Variants in NLRP11 observed in about 807,000 individuals in gnomAD.
NLRP11 encodes NLR family pyrin domain containing 11, also known as NACHT, LRR and PYD domains-containing protein 11.
A neutral mutation model predicts 79.3 loss-of-function variants in NLRP11; 53 were observed. That is an observed-to-expected ratio of 0.67 (90% CI 0.54 to 0.84). The LOEUF (loss-of-function observed/expected upper bound fraction) is 0.84. NLRP11 is among the 40% of genes least tolerant of loss of function. The pLI is 0.00. For missense variants in NLRP11, 1,264 were observed against 1,255.0 expected, an observed-to-expected ratio of 1.01 and a Z score of -0.11; for synonymous variants, 518 against 462.6, an observed-to-expected ratio of 1.12 and a Z score of -1.54.
intron 7 of NLRP11, among the ~76,000 whole-genome samples, chr19:55,789,922 A>G (rs1272841237): frequency 6.6e-6 from 1 of 152,060 alleles, no homozygotes; most frequent in Non-Finnish European, 1.5e-5. Context: ...TTGTTTTTCC[A>G]TTCACGTCTC....
intron 1 of NLRP11, among the ~76,000 whole-genome samples, chr19:55,823,100 TGAC>T (rs1981956186): frequency 1.4e-5 from 2 of 147,278 alleles, no homozygotes; most frequent in Non-Finnish European, 3.0e-5. Context: ...AGTGGGTCCC[TGAC>T]CCCTGACCCC....
intron 6 of NLRP11, among the ~76,000 whole-genome samples, chr19:55,792,916 C>T (rs1012906423): frequency 6.6e-6 from 1 of 152,126 alleles, no homozygotes; most frequent in African/African-American, 2.4e-5. Context: ...CACCAGAAGC[C>T]CTGTTGTTAG....
At chr19:55,796,432 C>T (rs1353651802) in intron 5 of NLRP11, among the ~76,000 whole-genome samples, 182 bp from the exon 6 acceptor site, 1 of 152,020 alleles carries the variant, frequency 6.6e-6, no homozygotes, top group African/African-American at 2.4e-5. Flanking sequence ...CAAATTTGGG[C>T]AAGGTTACAG....
chr19:55,810,098 A>G (rs766113567), exon 3 of NLRP11: 1 of 1,614,160 alleles, frequency 6.2e-7, no homozygotes, highest in South Asian at 1.1e-5. Context: ...CTCACCCTTG[A>G]TCCACCTCAA....
At chr19:55,801,484 G>A (rs1382183962) in intron 5 of NLRP11, 88 bp downstream of exon 5, 2 of 985,284 alleles carry the variant, frequency 2.0e-6, no homozygotes, top group Admixed American at 1.9e-5. Context: ...GGTAGGAGCA[G>A]GTAGTGTTAT....
chr19:55,811,875 C>T lies in NLRP11; in HGVS notation c.272-1537G>A, dbSNP rs188936474. Among the ~76,000 whole-genome samples, 7 of 151,824 alleles carry T rather than the reference C, an allele frequency of 4.6e-5. No individual in the cohort carries two copies. The East Asian group carries it at 1.4e-3, about 29-fold the overall frequency. On this transcript the variant is annotated intron_variant, in intron 2 of 9. Coordinates refer to ENST00000589093, the Ensembl canonical transcript of NLRP11. The stretch of plus-strand genomic sequence containing the variant: ...CCTTATATACTTTGGATATTAGTTC[C>T]GTATCATACATAGTTTACAAATATA...
chr19:55,818,232 G>A, exon 2 of NLRP11: 1 of 1,393,230 alleles, frequency 7.2e-7, no homozygotes, highest in South Asian at 1.3e-5. Flanking sequence ...CAAGAAATAT[G>A]AGATCTAAAA....
intron 7 of NLRP11, among the ~76,000 whole-genome samples, chr19:55,790,217 T>C (rs1441559535): frequency 6.6e-6 from 1 of 152,090 alleles, no homozygotes; most frequent in Non-Finnish European, 1.5e-5. Context: ...ATTAAAAAAG[T>C]TTCCATAGCA....
At chr19:55,796,849 C>A (rs182128001) in intron 5 of NLRP11, among the ~76,000 whole-genome samples, 3 of 152,064 alleles carry the variant, frequency 2.0e-5, no homozygotes, top group African/African-American at 4.8e-5. Flanking sequence ...TTACCACACC[C>A]GGCTAATGTT....
intron 8 of NLRP11, 69 bp downstream of exon 8, chr19:55,789,160 A>ACTT: frequency 6.7e-7 from 1 of 1,495,698 alleles, no homozygotes; most frequent in South Asian, 1.3e-5. Flanking sequence ...TTCCCAATCC[A>ACTT]CTTCCTCTTG....
At chr19:55,812,574 T>G (rs1168174205) in intron 2 of NLRP11, among the ~76,000 whole-genome samples, 1 of 152,144 alleles carries the variant, frequency 6.6e-6, no homozygotes, top group Non-Finnish European at 1.5e-5. Context: ...AGAATGGATA[T>G]TATCAAGAAG....
In NLRP11 at chr19:55,789,105, G is replaced by A. The variant is rs568209572; in HGVS notation, c.2684+124C>T. 1.6e-5 allele frequency: 22 copies of A among 1,369,826 alleles called. No homozygotes were observed. The African/African-American group carries it at 2.6e-4, about 16-fold the overall frequency. The allele number at this position is 1,369,826 out of a possible 1,614,324, so 84.9% of individuals were successfully genotyped here. The stretch of plus-strand genomic sequence containing the variant: ...GGCAAAAGAACTGACTGTGCAATAA[G>A]AGTCCCATTTCAAACACTAGACTAT... On this transcript the variant is annotated intron_variant, in intron 8 of 9. Transcript: ENST00000589093.
chr19:55,794,320 GA>G (rs895863185), intron 6 of NLRP11, among the ~76,000 whole-genome samples: 1 of 152,066 alleles, frequency 6.6e-6, no homozygotes, highest in African/African-American at 2.4e-5. Flanking sequence ...GATATGAGAT[GA>G]AAAAAATATC....
At chr19:55,815,412 C>G (rs1981011370) in intron 2 of NLRP11, among the ~76,000 whole-genome samples, 1 of 137,412 alleles carries the variant, frequency 7.3e-6, no homozygotes, top group Admixed American at 6.8e-5. Flanking sequence ...ACCCTTAATC[C>G]CAGCTACTCA....
chr19:55,819,965 G>A (rs563562173), intron 1 of NLRP11, among the ~76,000 whole-genome samples: 54 of 152,190 alleles, frequency 3.5e-4, no homozygotes, highest in South Asian at 8.3e-4. Flanking sequence ...TCGTGGCCAT[G>A]AAGTACATGG....
chr19:55,831,234 G>A (rs1430004737), intron 1 of NLRP11, among the ~76,000 whole-genome samples: 1 of 150,686 alleles, frequency 6.6e-6, no homozygotes, highest in African/African-American at 2.4e-5. Flanking sequence ...CTTCCTTTCG[G>A]AGCCTAGGCA....
chr19:55,800,010 G>C (rs929530488), intron 5 of NLRP11, among the ~76,000 whole-genome samples: 1 of 151,984 alleles, frequency 6.6e-6, no homozygotes, highest in Non-Finnish European at 1.5e-5. Context: ...GGGATGAAGG[G>C]GGTGAAAGGG....
At chr19:55,814,132 G>A (rs902858550) in intron 2 of NLRP11, among the ~76,000 whole-genome samples, 3 of 152,044 alleles carry the variant, frequency 2.0e-5, no homozygotes, top group African/African-American at 7.2e-5. Context: ...CAGATCAGTG[G>A]GAGCATTGGA....
intron 5 of NLRP11, among the ~76,000 whole-genome samples, chr19:55,796,689 T>C (rs530478644): frequency 1.3e-3 from 149 of 119,120 alleles, no homozygotes; most frequent in African/African-American, 6.5e-3. Context: ...ACTATCTCTA[T>C]TTTCTTTTTT....
Sources: allele counts gnomAD v4.1 joint callset (sites outside exome capture counted in the v4.1 genomes callset), GRCh38; gene constraint gnomAD v4.1.1; transcripts MANE v1.5; gene names NCBI Gene and HGNC (gene_info 2026-07-23, HGNC 2026-07-21).